Variants in CCSAP observed in about 807,000 individuals in gnomAD.
CCSAP encodes the protein centriole, cilia and spindle associated protein.
CCSAP carries 17 observed loss-of-function variants against 25.9 expected under a neutral mutation model. The observed-to-expected ratio is 0.66, with a 90% CI of 0.45 to 0.99. CCSAP has a LOEUF of 0.99. Ranked by LOEUF, CCSAP falls within the 50% of genes least tolerant of loss-of-function variation. The probability of loss-of-function intolerance (pLI) is 0.00; values close to 1 mark genes in which losing one functional copy is unlikely to be tolerated. For synonymous variants in CCSAP, 169 were observed against 157.1 expected, an observed-to-expected ratio of 1.08 and a Z score of -0.57; for missense variants, 339 against 367.8, an observed-to-expected ratio of 0.92 and a Z score of 0.64.
Position 229,325,327 on chromosome 1 carries a change from CAG to C in CCSAP, c.719_720del (p.Ser240CysfsTer47). The C allele has an allele frequency of 1.2e-6, 2 of 1,614,226 alleles. No individual in the cohort carries two copies. Among genetic ancestry groups the C allele is most frequent in the Non-Finnish European group, 1.7e-6 (2 of 1,180,036 alleles). On this transcript the variant is annotated frameshift_variant, in exon 4 of 4. Coordinates refer to ENST00000284617, the MANE Select transcript of CCSAP (RefSeq NM_145257.5). LOFTEE classifies it low-confidence loss of function (END_TRUNC). Reference sequence around the variant, plus strand: ...ATCTTTCTGTTCTTCTCCACATCCACAGAGTGAGCTCGCTGCCTTTGAGCAAC... The same window carrying C: ...ATCTTTCTGTTCTTCTCCACATCCACAGTGAGCTCGCTGCCTTTGAGCAAC... ...KLVAQRQRAHSVDVEKNRKMK... is the reference protein window; with the variant it reads ...KLVAQRQRAHXVDVEKNRKMK...
chr1:229,342,532 G>C lies in CCSAP; in HGVS notation c.-48-19C>G. On this transcript the variant is annotated intron_variant, in intron 1 of 3. Coordinates refer to ENST00000284617, the MANE Select transcript of CCSAP (RefSeq NM_145257.5). The surrounding 1 kb of genome is among the most constrained non-coding windows in gnomAD (Gnocchi z 7.5). ...CCGCAGCCTACGGGACCCGGTACAC[G>C]ACACAGAGGCCGCCCCGCCCCTCCG... 9.1e-7 allele frequency: 1 copy of C among 1,093,322 alleles called. No homozygotes were observed. Among genetic ancestry groups the C allele is most frequent in the Non-Finnish European group, 1.2e-6 (1 of 851,112 alleles). 67.7% of individuals were successfully genotyped at this position (1,093,322 alleles called of 1,614,324 possible).
intron 2 of CCSAP, among the ~76,000 whole-genome samples, chr1:229,337,678 A>AAAATATAT: frequency 1.4e-4 from 9 of 65,504 alleles, no homozygotes; most frequent in East Asian, 9.5e-4. Context: ...CTCAAAAAAA[A>AAAATATAT]ATATATATAT....
chr1:229,342,367 G>A lies in CCSAP; in HGVS notation c.99C>T (p.Tyr33=). 1 of 1,510,348 alleles carries A rather than the reference G, an allele frequency of 6.6e-7. No homozygotes were observed. The allele number at this position is 1,510,348 out of a possible 1,614,324, so 93.6% of individuals were successfully genotyped here. A position where few individuals can be genotyped will look rare whatever the true frequency, so the allele number is the denominator to read the frequency against. Residue 33 remains tyrosine (Y), a synonymous_variant, in exon 2 of 4, where the codon TAC becomes TAT. Coordinates refer to ENST00000284617, the MANE Select transcript of CCSAP (RefSeq NM_145257.5). The surrounding 1 kb of genome is among the most constrained non-coding windows in gnomAD (Gnocchi z 7.5). ...GCTCCAGCAGCCGGCGGCCTAGGCG[G>A]TAGTGCAGCAGCTCGCGGTAGCACG... ...YGPCYRELLH[Y]RLGRRLLEQA...
chr1:229,337,702 C>CATATATAT (rs1394833041), intron 2 of CCSAP, among the ~76,000 whole-genome samples: 16 of 48,576 alleles, frequency 3.3e-4, no homozygotes, highest in Non-Finnish European at 5.1e-4. Flanking sequence ...TATATATACA[C>CATATATAT]ATACATATAT....
At chr1:229,328,942 A>T (rs1051957453) in intron 2 of CCSAP, among the ~76,000 whole-genome samples, 8 of 152,210 alleles carry the variant, frequency 5.3e-5, no homozygotes, top group African/African-American at 1.2e-4. Context: ...CCAGCACTGG[A>T]GTTGCTGGGG....
In CCSAP at chr1:229,342,241, C is replaced by A; in HGVS notation, c.225G>T (p.Arg75=). The A allele has an allele frequency of 7.9e-7, 1 of 1,267,420 alleles. No homozygotes were observed. The highest frequency in any genetic ancestry group is 9.9e-7 in the Non-Finnish European group (1 of 1,009,860). The allele number at this position is 1,267,420 out of a possible 1,614,324, so 78.5% of individuals were successfully genotyped here. A position where few individuals can be genotyped will look rare whatever the true frequency, so the allele number is the denominator to read the frequency against. Residue 75 remains arginine, a synonymous_variant, in exon 2 of 4, where the codon CGG becomes CGT. Coordinates refer to ENST00000284617, the MANE Select transcript of CCSAP (RefSeq NM_145257.5). The surrounding 1 kb of genome is among the most constrained non-coding windows in gnomAD (Gnocchi z 7.5). ...ESSGAGGPAP[R]CAPPSPPPPV... ...GCGGCGGGGGCGAGGGCGGGGCGCA[C>A]CGGGGTGCGGGGCCCCCGGCGCCCG...
intron 2 of CCSAP, among the ~76,000 whole-genome samples, chr1:229,328,268 C>A (rs1164950045): frequency 6.6e-6 from 1 of 152,054 alleles, no homozygotes; most frequent in Non-Finnish European, 1.5e-5. Flanking sequence ...GTTTCAGATG[C>A]TCCAGAGTTT....
At chr1:229,334,925 C>A (rs1658162769) in intron 2 of CCSAP, among the ~76,000 whole-genome samples, 1 of 152,086 alleles carries the variant, frequency 6.6e-6, no homozygotes, top group South Asian at 2.1e-4. Flanking sequence ...AAAAGAAAAG[C>A]AACTGAAGAG....
intron 2 of CCSAP, among the ~76,000 whole-genome samples, chr1:229,338,494 G>A (rs1571857191): frequency 1.3e-5 from 2 of 150,298 alleles, no homozygotes; most frequent in Non-Finnish European, 1.5e-5. Context: ...GCTATGGGAG[G>A]AAAAGAATCT....
At chr1:229,330,494 A>AG (rs1209556232) in intron 2 of CCSAP, among the ~76,000 whole-genome samples, 1 of 152,210 alleles carries the variant, frequency 6.6e-6, no homozygotes, top group Non-Finnish European at 1.5e-5. Flanking sequence ...GAGGAAGGGT[A>AG]GCAAAAGAGT....
At chr1:229,339,315 G>A (rs146995451) in intron 2 of CCSAP, among the ~76,000 whole-genome samples, 351 of 152,244 alleles carry the variant, frequency 2.3e-3, no homozygotes, top group African/African-American at 7.9e-3. Flanking sequence ...GAATCATAAC[G>A]AGGCAGGCTG....
chr1:229,336,755 C>G (rs1375061883), intron 2 of CCSAP, among the ~76,000 whole-genome samples: 1 of 152,162 alleles, frequency 6.6e-6, no homozygotes, highest in Non-Finnish European at 1.5e-5. Context: ...GAATGGAAGA[C>G]AGCTCTGAAA....
At chr1:229,336,762 G>A (rs1250445766) in intron 2 of CCSAP, among the ~76,000 whole-genome samples, 1 of 152,176 alleles carries the variant, frequency 6.6e-6, no homozygotes, top group Non-Finnish European at 1.5e-5. Flanking sequence ...AGACAGCTCT[G>A]AAAAGATATT....
At chr1:229,325,570 A>G (rs1249627369) in intron 3 of CCSAP, among the ~76,000 whole-genome samples, 159 bp from the exon 4 acceptor site, 1 of 152,244 alleles carries the variant, frequency 6.6e-6, no homozygotes, top group Admixed American at 6.5e-5. Context: ...AACCTTCCAC[A>G]GAAGAGCCAT....
At chr1:229,340,463 G>A (rs1485595551) in intron 2 of CCSAP, 2 of 714,716 alleles carry the variant, frequency 2.8e-6, no homozygotes, top group Non-Finnish European at 5.2e-6. Context: ...TATTTATATT[G>A]CATGCAAATA....
rs1339525250 is a variant in CCSAP at position 229,342,997 on chromosome 1, G to C, written c.-134C>G. The C allele has an allele frequency of 6.6e-6, 1 of 152,318 alleles. No individual in the cohort carries two copies. The highest frequency in any genetic ancestry group is 1.5e-5 in the Non-Finnish European group (1 of 68,052). 9.4% of individuals were successfully genotyped at this position (152,318 alleles called of 1,614,324 possible). On this transcript the variant is annotated 5_prime_UTR_variant, in exon 1 of 4. Coordinates refer to ENST00000284617, the MANE Select transcript of CCSAP (RefSeq NM_145257.5). The surrounding 1 kb of genome is among the most constrained non-coding windows in gnomAD (Gnocchi z 7.5). ...CAGCTAAAGCGCAGCTCGCTCTCCCGCGCGCTTTCCTCCTGAGCAAGATGT... is the reference window on the plus strand; with the variant it reads ...CAGCTAAAGCGCAGCTCGCTCTCCCCCGCGCTTTCCTCCTGAGCAAGATGT...
intron 2 of CCSAP, among the ~76,000 whole-genome samples, chr1:229,332,642 T>A (rs756844451): frequency 6.6e-6 from 1 of 152,130 alleles, no homozygotes. Context: ...TAAAAATAAA[T>A]TCAGTCTCAA....
In CCSAP at chr1:229,325,307, T is replaced by C. The variant is rs749199176; in HGVS notation, c.741A>G (p.Arg247=). 1 of 1,614,232 alleles carries C rather than the reference T, an allele frequency of 6.2e-7. No homozygotes were observed. The highest frequency in any genetic ancestry group is 8.5e-7 in the Non-Finnish European group (1 of 1,180,044). The stretch of plus-strand genomic sequence containing the variant: ...TCTCTGAGGAGGAAGCCTTCATCTT[T>C]CTGTTCTTCTCCACATCCACAGAGT... The part of the protein sequence containing the change: ...RAHSVDVEKN[R]KMKASSSENP... Residue 247 remains arginine (R), a synonymous_variant, in exon 4 of 4, where the codon AGA becomes AGG. Coordinates refer to ENST00000284617, the MANE Select transcript of CCSAP (RefSeq NM_145257.5).
chr1:229,342,298 G>C lies in CCSAP; in HGVS notation c.168C>G (p.Gly56=), dbSNP rs772904629. The C allele has an allele frequency of 1.4e-6, 2 of 1,417,652 alleles. No individual in the cohort carries two copies. The highest frequency in any genetic ancestry group is 3.0e-5 in the South Asian group (2 of 65,962). The allele number at this position is 1,417,652 out of a possible 1,614,324, so 87.8% of individuals were successfully genotyped here. A position where few individuals can be genotyped will look rare whatever the true frequency, so the allele number is the denominator to read the frequency against. Residue 56 remains glycine (G), a synonymous_variant, in exon 2 of 4, where the codon GGC becomes GGG. Transcript: ENST00000284617. The surrounding 1 kb of genome is among the most constrained non-coding windows in gnomAD (Gnocchi z 7.5). ...PWLWDDWGPA[G]SSEDSASSES... is the part of the protein sequence containing the mutation. ...CTGACGACGCCGAGTCCTCCGAGGA[G>C]CCGGCCGGGCCCCAGTCGTCCCAGA... is the stretch of plus-strand genomic sequence containing the variant.
Sources: allele counts gnomAD v4.1 joint callset (sites outside exome capture counted in the v4.1 genomes callset), GRCh38; gene constraint gnomAD v4.1.1; non-coding constraint Gnocchi (gnomAD v3.1); transcripts MANE v1.5; gene names NCBI Gene and HGNC (gene_info 2026-07-23, HGNC 2026-07-21).